EML4: variants seen among roughly 807,000 people sequenced by gnomAD.
EML4 encodes EMAP like 4.
In EML4, 72 loss-of-function variants were observed where a neutral mutation model predicts 129.0. That is an observed-to-expected ratio of 0.56 (90% CI 0.46 to 0.68). EML4 has a LOEUF of 0.68. Ranked by LOEUF, EML4 falls within the 30% of genes least tolerant of loss-of-function variation. EML4 has a pLI of 0.00. For synonymous variants in EML4, 532 were observed against 405.0 expected, an observed-to-expected ratio of 1.31 and a Z score of -3.77; for missense variants, 1,363 against 1,190.6, an observed-to-expected ratio of 1.14 and a Z score of -2.13.
chr2:42,242,196 T>C (rs377449924), intron 1 of EML4, among the ~76,000 whole-genome samples: 2 of 152,318 alleles, frequency 1.3e-5, no homozygotes, highest in African/African-American at 4.8e-5. Context: ...CTTCCCAGAA[T>C]AATTAAGCAG....
intron 17 of EML4, among the ~76,000 whole-genome samples, chr2:42,313,972 A>C (rs926063372): frequency 6.6e-6 from 1 of 151,558 alleles, no homozygotes; most frequent in African/African-American, 2.4e-5. Flanking sequence ...GATTCTTTTT[A>C]TTGGCTTACA....
At chr2:42,311,317 A>G (rs1439228) in intron 17 of EML4, among the ~76,000 whole-genome samples, 24,548 of 152,208 alleles carry the variant, frequency 0.16, 2,399 homozygotes, top group South Asian at 0.29. Context: ...CTGTAATCCC[A>G]GCACTTTGGG....
chr2:42,258,957 G>T (rs12469447), intron 3 of EML4, among the ~76,000 whole-genome samples: 38,595 of 152,046 alleles, frequency 0.25, 5,868 homozygotes, highest in East Asian at 0.56. Context: ...AGAAAGACAT[G>T]TAAATGGGAC....
At chr2:42,172,062 T>C (rs550313040) in intron 1 of EML4, among the ~76,000 whole-genome samples, 6 of 152,120 alleles carry the variant, frequency 3.9e-5, no homozygotes, top group African/African-American at 1.4e-4. Context: ...TTAAAAACTT[T>C]TTTTTTTTTT....
chr2:42,273,750 T>A (rs1273424527), intron 6 of EML4, among the ~76,000 whole-genome samples: 1 of 152,170 alleles, frequency 6.6e-6, no homozygotes, highest in African/African-American at 2.4e-5. Context: ...GAACTAAAAA[T>A]TTTTTAAATC....
At chr2:42,313,371 C>T (rs1669066630) in intron 17 of EML4, among the ~76,000 whole-genome samples, 1 of 152,178 alleles carries the variant, frequency 6.6e-6, no homozygotes, top group African/African-American at 2.4e-5. Flanking sequence ...GCTCTCTCAC[C>T]ATGGGCCATG....
At chr2:42,171,068 G>C (rs1289803287) in intron 1 of EML4, among the ~76,000 whole-genome samples, 1 of 152,142 alleles carries the variant, frequency 6.6e-6, no homozygotes, top group Non-Finnish European at 1.5e-5. Context: ...CTCCTCAAAG[G>C]CACCTGTTGT....
intron 1 of EML4, among the ~76,000 whole-genome samples, chr2:42,200,553 A>C (rs1014502009): frequency 1.3e-5 from 2 of 152,146 alleles, no homozygotes; most frequent in African/African-American, 4.8e-5. Context: ...GGTCATTGAG[A>C]TCAAAAGCTC....
chr2:42,227,707 G>A (rs188448345), intron 1 of EML4, among the ~76,000 whole-genome samples: 9 of 152,134 alleles, frequency 5.9e-5, no homozygotes, highest in Admixed American at 3.9e-4. Flanking sequence ...CTCCTCCTCT[G>A]CCTATGCAGC....
intron 11 of EML4, among the ~76,000 whole-genome samples, chr2:42,292,106 A>G (rs1667683632): frequency 6.6e-6 from 1 of 152,226 alleles, no homozygotes; most frequent in Non-Finnish European, 1.5e-5. Flanking sequence ...ATTCTGAATT[A>G]TAGGAGTTTT....
chr2:42,297,645 G>C (rs1015458078), intron 13 of EML4, among the ~76,000 whole-genome samples: 2 of 152,154 alleles, frequency 1.3e-5, no homozygotes, highest in Non-Finnish European at 2.9e-5. Context: ...ACCAGAGTAA[G>C]TGTCCACAGT....
In EML4 at chr2:42,287,910, A is replaced by C. The variant is rs1572694481; in HGVS notation, c.1123-317A>C. On this transcript the variant is annotated intron_variant, in intron 10 of 22. Coordinates refer to ENST00000318522, the MANE Select transcript of EML4 (RefSeq NM_019063.5). ...TAGCTTAATACAGGCAGCAAGAAGG[A>C]AGCATAAGATGCAGAAGGGACTAGG... Among the ~76,000 whole-genome samples the C allele has an allele frequency of 9.2e-5, 14 of 152,254 alleles. No homozygotes were observed. In the South Asian group the frequency reaches 2.9e-3, roughly 32 times the overall value.
Position 42,169,498 on chromosome 2 carries a change from C to G in EML4, c.-114C>G, listed in dbSNP as rs1670121270. On this transcript the variant is annotated 5_prime_UTR_variant, in exon 1 of 23. Transcript: ENST00000318522. ...GACGACGGAGGCGGGAGCCGGTAGC[C>G]GAGCCGGGCGACCTAGAGAACGAGC... 2 of 1,289,848 alleles carry G rather than the reference C, an allele frequency of 1.6e-6. No individual in the cohort carries two copies. Among genetic ancestry groups the G allele is most frequent in the Non-Finnish European group, 2.1e-6 (2 of 959,858 alleles). The allele number at this position is 1,289,848 out of a possible 1,614,324, so 79.9% of individuals were successfully genotyped here.
chr2:42,276,185 C>T (rs1459913526), intron 6 of EML4, among the ~76,000 whole-genome samples: 1 of 152,096 alleles, frequency 6.6e-6, no homozygotes, highest in Non-Finnish European at 1.5e-5. Context: ...GTGTTGTGTG[C>T]AGGCCAAAGG....
chr2:42,313,025 G>A (rs986333158), intron 17 of EML4, among the ~76,000 whole-genome samples: 4 of 142,578 alleles, frequency 2.8e-5, no homozygotes, highest in South Asian at 4.5e-4. Flanking sequence ...GTCAGCTTGC[G>A]GCAAGCTCCA....
At chr2:42,324,445 G>A (rs542630615) in intron 19 of EML4, among the ~76,000 whole-genome samples, 1 of 152,284 alleles carries the variant, frequency 6.6e-6, no homozygotes, top group East Asian at 1.9e-4. Flanking sequence ...GTGAAACCTT[G>A]TCTCTGCAGA....
At chr2:42,188,713 A>G (rs977213980) in intron 1 of EML4, among the ~76,000 whole-genome samples, 10 of 152,126 alleles carry the variant, frequency 6.6e-5, no homozygotes, top group Middle Eastern at 3.4e-3. Context: ...TTTAGTAGAG[A>G]TGGAGTTTCA....
intron 1 of EML4, among the ~76,000 whole-genome samples, chr2:42,203,394 T>C (rs1468450044): frequency 6.6e-6 from 1 of 152,228 alleles, no homozygotes; most frequent in African/African-American, 2.4e-5. Context: ...TTGAATACTC[T>C]ATGATAGAGT....
intron 2 of EML4, 96 bp from the exon 3 acceptor site, chr2:42,256,405 A>C: frequency 1.7e-6 from 2 of 1,205,246 alleles, no homozygotes; most frequent in Non-Finnish European, 2.3e-6. Context: ...TTTTTTTTCT[A>C]CCACCCCCTC....
Sources: gnomAD v4.1 joint callset for allele counts (sites outside exome capture counted in the v4.1 genomes callset) on GRCh38, gnomAD v4.1.1 for gene constraint, MANE v1.5 for transcripts, NCBI Gene and HGNC (gene_info 2026-07-23, HGNC 2026-07-21) for gene names.